SEMA6D: variants seen among roughly 807,000 people sequenced by gnomAD.
SEMA6D encodes semaphorin-6D.
Under a neutral mutation model 106.6 loss-of-function variants are expected in SEMA6D, and 35 were observed. The ratio of observed to expected loss-of-function variants is 0.33; its 90% CI spans 0.25 to 0.44. SEMA6D has a LOEUF of 0.44. Ranked by LOEUF, SEMA6D falls within the 20% of genes least tolerant of loss-of-function variation. SEMA6D has a pLI of 1.00. For synonymous variants in SEMA6D, 499 were observed against 487.7 expected (o/e 1.02, Z -0.31); for missense variants, 1,185 against 1,345.9 (o/e 0.88, Z 1.87).
chr15:47,728,318 C>G (rs1425092632), intron 1 of SEMA6D, among the ~76,000 whole-genome samples: 3 of 152,148 alleles, frequency 2.0e-5, no homozygotes, highest in Admixed American at 6.5e-5. Flanking sequence ...AGGTGCTGCT[C>G]TAGTGAAAAG....
At chr15:47,489,888 G>A (rs1260900237) in intron 3 of SEMA6D, among the ~76,000 whole-genome samples, 1 of 152,110 alleles carries the variant, frequency 6.6e-6, no homozygotes, top group Non-Finnish European at 1.5e-5. Context: ...CTGACCTCAA[G>A]TGATCTTCCT....
intron 4 of SEMA6D, among the ~76,000 whole-genome samples, chr15:47,629,142 A>G (rs2077251848): frequency 6.6e-6 from 1 of 152,084 alleles, no homozygotes; most frequent in Non-Finnish European, 1.5e-5. Flanking sequence ...CAGCTACATA[A>G]TAAGTCATAA....
chr15:47,594,537 A>G (rs950204416), intron 3 of SEMA6D, among the ~76,000 whole-genome samples: 2 of 152,182 alleles, frequency 1.3e-5, no homozygotes, highest in Non-Finnish European at 2.9e-5. Context: ...AACAGCCATT[A>G]TTGGGTACCC....
At chr15:47,323,404 A>G (rs952039030) in intron 1 of SEMA6D, among the ~76,000 whole-genome samples, 1 of 152,194 alleles carries the variant, frequency 6.6e-6, no homozygotes, top group Middle Eastern at 3.2e-3. Context: ...CAGCATCAAG[A>G]AAAGACTCAA....
chr15:47,685,221 T>C lies in SEMA6D; in HGVS notation c.-54-74524T>C, dbSNP rs115681880. Among the ~76,000 whole-genome samples, 855 of 152,286 alleles carry C rather than the reference T, an allele frequency of 5.6e-3. 4 individuals carry two copies. The highest frequency in any genetic ancestry group is 0.02 in the African/African-American group (829 of 41,554). On this transcript the variant is annotated intron_variant, in intron 4 of 19. Coordinates refer to the SEMA6D transcript ENST00000558014. ...GAGTCATATTTTATCCTAAAATTCA[T>C]TAAACTTTTGTGCAATACCATCCAA...
intron 3 of SEMA6D, among the ~76,000 whole-genome samples, chr15:47,529,240 G>A (rs1227741596): frequency 6.6e-6 from 1 of 152,176 alleles, no homozygotes; most frequent in Non-Finnish European, 1.5e-5. Flanking sequence ...AGTAGGCTGA[G>A]GAGGAGAAGT....
chr15:47,192,394 T>C (rs1894024268), intron 1 of SEMA6D, among the ~76,000 whole-genome samples: 1 of 152,296 alleles, frequency 6.6e-6, no homozygotes, highest in Middle Eastern at 3.4e-3. Flanking sequence ...GTAAATGCAA[T>C]TTGCCAATGA....
At chr15:47,751,252 T>C (rs2081415636) in intron 1 of SEMA6D, among the ~76,000 whole-genome samples, 1 of 152,202 alleles carries the variant, frequency 6.6e-6, no homozygotes, top group African/African-American at 2.4e-5. Context: ...TCTAGGCACA[T>C]GAATGCTATA....
At chr15:47,396,642 C>T (rs1015092520) in intron 1 of SEMA6D, 2 of 152,198 alleles carry the variant, frequency 1.3e-5, no homozygotes, top group African/African-American at 4.8e-5. Flanking sequence ...TTTATCCTAG[C>T]TGCACTGGCA....
chr15:47,736,306 A>G (rs927787244), intron 1 of SEMA6D, among the ~76,000 whole-genome samples: 8 of 152,206 alleles, frequency 5.3e-5, no homozygotes, highest in Admixed American at 1.3e-4. Flanking sequence ...CACAGAGATA[A>G]GAGAAGTCTG....
At chr15:47,383,420 C>CT (rs1216135036) in intron 1 of SEMA6D, among the ~76,000 whole-genome samples, 3 of 152,202 alleles carry the variant, frequency 2.0e-5, no homozygotes, top group African/African-American at 7.2e-5. Flanking sequence ...TGATTGGTCT[C>CT]TAACTCCTAT....
intron 3 of SEMA6D, among the ~76,000 whole-genome samples, chr15:47,599,256 G>A (rs572206650): frequency 6.6e-6 from 1 of 152,078 alleles, no homozygotes; most frequent in Non-Finnish European, 1.5e-5. Context: ...AGAGTAACAG[G>A]GGATTAATAC....
intron 1 of SEMA6D, among the ~76,000 whole-genome samples, chr15:47,195,860 GGTGA>G (rs1381507706): frequency 6.6e-6 from 1 of 152,054 alleles, no homozygotes; most frequent in African/African-American, 2.4e-5. Flanking sequence ...TAACTGGATG[GGTGA>G]GTAAGAGGAA....
At chr15:47,454,599 G>GCGCACACACACA (rs113699947) in intron 2 of SEMA6D, among the ~76,000 whole-genome samples, 16 of 148,990 alleles carry the variant, frequency 1.1e-4, no homozygotes, top group African/African-American at 3.5e-4. Flanking sequence ...TTGCACATGT[G>GCGCACACACACA]CACACACACA....
chr15:47,558,948 T>C (rs557924440), intron 3 of SEMA6D, among the ~76,000 whole-genome samples: 1 of 152,200 alleles, frequency 6.6e-6, no homozygotes, highest in East Asian at 1.9e-4. Flanking sequence ...GAGCAGAGTC[T>C]TGGAGCAGCG....
At chr15:47,701,461 G>A (rs1051314531) in intron 4 of SEMA6D, among the ~76,000 whole-genome samples, 1 of 152,102 alleles carries the variant, frequency 6.6e-6, no homozygotes, top group Non-Finnish European at 1.5e-5. Flanking sequence ...GGTGACTATA[G>A]TTAATAACAA....
At chr15:47,738,340 G>A (rs1472511078) in intron 1 of SEMA6D, among the ~76,000 whole-genome samples, 1 of 152,072 alleles carries the variant, frequency 6.6e-6, no homozygotes, top group Non-Finnish European at 1.5e-5. Context: ...TCATTCCTTT[G>A]TATGGCTGCA....
At chr15:47,462,058 G>A (rs940098332) in intron 2 of SEMA6D, among the ~76,000 whole-genome samples, 5 of 151,880 alleles carry the variant, frequency 3.3e-5, no homozygotes, top group African/African-American at 9.7e-5. Flanking sequence ...TCCTGTTAGC[G>A]TGATTCATTT....
chr15:47,318,234 T>C (rs1471004620), intron 1 of SEMA6D, among the ~76,000 whole-genome samples: 1 of 151,758 alleles, frequency 6.6e-6, no homozygotes, highest in Non-Finnish European at 1.5e-5. Context: ...TTTTTCCCAC[T>C]TTAAACTTTT....
Sources: gnomAD v4.1 joint callset for allele counts (sites outside exome capture counted in the v4.1 genomes callset) on GRCh38, gnomAD v4.1.1 for gene constraint, MANE v1.5 for transcripts, NCBI Gene and HGNC (gene_info 2026-07-23, HGNC 2026-07-21) for gene names.